Variants in SAP130 observed in about 807,000 individuals in gnomAD.
SAP130 encodes Sin3A associated protein 130.
A neutral mutation model predicts 103.2 loss-of-function variants in SAP130; 16 were observed. The observed-to-expected ratio is 0.16, with a 90% confidence interval of 0.10 to 0.24. SAP130 has a LOEUF of 0.24. Ranked by LOEUF, SAP130 falls within the 10% of genes least tolerant of loss-of-function variation. The probability of loss-of-function intolerance (pLI) is 1.00; values close to 1 mark genes in which losing one functional copy is unlikely to be tolerated. For missense variants in SAP130, 990 were observed against 1,359.7 expected, an observed-to-expected ratio of 0.73 and a Z score of 4.28; for synonymous variants, 477 against 497.0, an observed-to-expected ratio of 0.96 and a Z score of 0.53.
intron 15 of SAP130, among the ~76,000 whole-genome samples, chr2:127,960,329 T>TGGGCACCGAGTCCAGAC: frequency 6.6e-6 from 1 of 152,154 alleles, no homozygotes; most frequent in East Asian, 1.9e-4. Context: ...GAACAACAGC[T>TGGGCACCGAGTCCAGAC]GGGCACCGAG....
chr2:128,011,341 A>G (rs962811135), intron 6 of SAP130, among the ~76,000 whole-genome samples: 5 of 152,176 alleles, frequency 3.3e-5, no homozygotes, highest in Non-Finnish European at 7.4e-5. Flanking sequence ...TAAGCTCCAC[A>G]CTGGGCTTCA....
At chr2:127,990,329 A>G (rs1396583456) in intron 12 of SAP130, among the ~76,000 whole-genome samples, 4 of 152,094 alleles carry the variant, frequency 2.6e-5, no homozygotes, top group Admixed American at 2.6e-4. Flanking sequence ...CCTGTGTCTT[A>G]CAAGGCAAAC....
intron 15 of SAP130, among the ~76,000 whole-genome samples, chr2:127,965,321 A>T (rs1019648367): frequency 2.0e-5 from 3 of 151,898 alleles, no homozygotes; most frequent in Non-Finnish European, 4.4e-5. Context: ...GAACAGAAAA[A>T]CCCAGACTAA....
chr2:127,973,908 G>A (rs1229454374), intron 15 of SAP130, among the ~76,000 whole-genome samples: 2 of 151,824 alleles, frequency 1.3e-5, no homozygotes, highest in Admixed American at 6.6e-5. Context: ...ACCCCGTTTC[G>A]ACAAAAAAAT....
At chr2:128,012,539 T>C (rs147647138) in intron 6 of SAP130, among the ~76,000 whole-genome samples, 81 of 152,266 alleles carry the variant, frequency 5.3e-4, no homozygotes, top group African/African-American at 1.9e-3. Context: ...TTATACTCCA[T>C]ATCCTAGAGA....
At chr2:128,015,574 T>C (rs187143423) in intron 4 of SAP130, among the ~76,000 whole-genome samples, 42 of 152,302 alleles carry the variant, frequency 2.8e-4, no homozygotes, top group Admixed American at 5.9e-4. Flanking sequence ...AATATTTAAT[T>C]AATCAGGTAC....
At chr2:127,968,006 G>A (rs758271420) in intron 15 of SAP130, among the ~76,000 whole-genome samples, 24 of 152,086 alleles carry the variant, frequency 1.6e-4, no homozygotes, top group Admixed American at 7.9e-4. Context: ...AATTCACAAT[G>A]ACAGGTGAGA....
intron 12 of SAP130, among the ~76,000 whole-genome samples, chr2:127,991,514 T>C (rs1373085196): frequency 2.6e-5 from 4 of 151,966 alleles, no homozygotes; most frequent in Non-Finnish European, 5.9e-5. Context: ...CTAATTTTTG[T>C]ATTTTTGGTA....
At chr2:127,967,092 C>T (rs564986249) in intron 15 of SAP130, among the ~76,000 whole-genome samples, 21 of 152,110 alleles carry the variant, frequency 1.4e-4, no homozygotes, top group Non-Finnish European at 3.1e-4. Context: ...AAAGATTCAT[C>T]AAGAAGATCA....
rs1322840294 is a variant in SAP130 at position 127,941,534 on chromosome 2, C to A, written c.*472G>T. The A allele has an allele frequency of 6.4e-6, 1 of 156,746 alleles. No individual in the cohort carries two copies. 9.7% of individuals were successfully genotyped at this position (156,746 alleles called of 1,614,324 possible). On this transcript the variant is annotated 3_prime_UTR_variant, in exon 21 of 21. Transcript: ENST00000643581. ...CCGTGGCACTGCTGTAAAAGGCCAA[C>A]ATGGGCATTTGAAGGTCAGGCAGAA... is the stretch of plus-strand genomic sequence containing the variant.
At position 127,989,855 on chromosome 2, in the gene SAP130, C is replaced by T. The variant is rs1038571169; in HGVS notation, c.1489G>A (p.Ala497Thr). The T allele has an allele frequency of 6.2e-7, 1 of 1,612,200 alleles. No homozygotes were observed. Among genetic ancestry groups the T allele is most frequent in the African/African-American group, 1.3e-5 (1 of 74,832 alleles). Reference sequence around the variant, plus strand: ...TGAGCTGTGATGGCAGAGTTTGGAGCCTGAGCTGAAACTAAAAATGATGCG... The same window carrying T: ...TGAGCTGTGATGGCAGAGTTTGGAGTCTGAGCTGAAACTAAAAATGATGCG... ...TIRQYPVSAQAPNSAITAQTG... is the reference protein window; with the variant it reads ...TIRQYPVSAQTPNSAITAQTG... The change falls in exon 13 of 21, where the codon GCT becomes ACT. Residue 497 changes from alanine (A) to threonine (T), a missense_variant. By Grantham distance (58) the Ala-to-Thr change is moderately conservative. Around this residue, in one of 6 missense-constraint regions of SAP130, gnomAD observed 336 missense variants for 520.1 expected, o/e 0.65. Transcript: ENST00000643581. This position sits in a 1 kb window ranked among gnomAD's most constrained non-coding sequence, Gnocchi z 4.6.
chr2:128,001,668 G>A (rs547402844), intron 7 of SAP130, among the ~76,000 whole-genome samples: 51 of 152,160 alleles, frequency 3.4e-4, no homozygotes, highest in African/African-American at 1.2e-3. Flanking sequence ...GGCTGTATAG[G>A]TCTACAAACT....
chr2:127,964,093 C>CCCCTA (rs1680462934), intron 15 of SAP130, among the ~76,000 whole-genome samples: 1 of 152,156 alleles, frequency 6.6e-6, no homozygotes, highest in Admixed American at 6.5e-5. Flanking sequence ...TACTCAGGAG[C>CCCCTA]CTGAGGCAGG....
chr2:128,014,697 G>T, intron 5 of SAP130, 106 bp downstream of exon 5: 1 of 823,472 alleles, frequency 1.2e-6, no homozygotes, highest in Non-Finnish European at 2.0e-6. Flanking sequence ...CTGTTGTTCT[G>T]CAACTTTAAC....
chr2:127,999,477 G>A (rs1023888621), intron 10 of SAP130, among the ~76,000 whole-genome samples: 1 of 152,116 alleles, frequency 6.6e-6, no homozygotes, highest in Non-Finnish European at 1.5e-5. Flanking sequence ...GGTGGCATGT[G>A]CCTGTAGTCT....
chr2:127,990,915 T>A (rs1428161119), intron 12 of SAP130, among the ~76,000 whole-genome samples: 1 of 141,052 alleles, frequency 7.1e-6, no homozygotes, highest in Non-Finnish European at 1.5e-5. Flanking sequence ...GCACCCAGCC[T>A]GAGTGACAGA....
intron 15 of SAP130, among the ~76,000 whole-genome samples, chr2:127,977,272 T>C (rs188150028): frequency 2.0e-5 from 3 of 151,248 alleles, no homozygotes; most frequent in East Asian, 1.9e-4. Context: ...CGTGGATCAA[T>C]TGAGGTCAGG....
chr2:127,949,835 T>A (rs374049196), intron 18 of SAP130, 34 bp downstream of exon 18: 15 of 1,601,590 alleles, frequency 9.4e-6, no homozygotes, highest in African/African-American at 1.3e-5. Context: ...ACCAATTTCA[T>A]GCATTAATAT....
intron 15 of SAP130, among the ~76,000 whole-genome samples, chr2:127,969,938 A>G (rs1036583141): frequency 6.6e-6 from 1 of 152,046 alleles, no homozygotes; most frequent in African/African-American, 2.4e-5. Flanking sequence ...CTACTAAAAA[A>G]ATTTATTTAG....
Sources: gnomAD v4.1 joint callset for allele counts (sites outside exome capture counted in the v4.1 genomes callset) on GRCh38, gnomAD v4.1.1 for gene constraint, gnomAD v4.1.1 regional missense constraint, Gnocchi (gnomAD v3.1) non-coding constraint, MANE v1.5 for transcripts, NCBI Gene and HGNC (gene_info 2026-07-23, HGNC 2026-07-21) for gene names.